The following PCDHGB6 variants were observed in gnomAD, a reference collection of about 807,000 sequenced individuals.
The protein encoded by PCDHGB6 is protocadherin gamma-B6.
In PCDHGB6, 51 loss-of-function variants were observed where a neutral mutation model predicts 59.1. That is an observed-to-expected ratio of 0.86 (90% CI 0.69 to 1.09). The LOEUF is 1.09. Ranked by LOEUF, PCDHGB6 falls within the 50% of genes least tolerant of loss-of-function variation. The pLI is 0.00. For synonymous variants in PCDHGB6, 466 were observed against 495.1 expected (o/e 0.94, Z 0.78); for missense variants, 1,148 against 1,205.1 (o/e 0.95, Z 0.70).
At chr5:141,494,215 G>T (rs984086536) in intron 1 of PCDHGB6, among the ~76,000 whole-genome samples, 2 of 152,200 alleles carry the variant, frequency 1.3e-5, no homozygotes, top group Non-Finnish European at 2.9e-5. Context: ...GCCCAATCTG[G>T]CATGACTCCT....
intron 1 of PCDHGB6, chr5:141,430,741 A>T (rs370226249): frequency 6.7e-6 from 10 of 1,498,900 alleles, no homozygotes; most frequent in Non-Finnish European, 8.9e-6. Flanking sequence ...ATTGAAAATA[A>T]TTCTGGAGGA....
rs759756007 is a variant in PCDHGB6 at position 141,476,248 on chromosome 5, T to C, written c.2419-18559T>C. 2 of 1,613,856 alleles carry C rather than the reference T, an allele frequency of 1.2e-6. No individual in the cohort carries two copies. Among genetic ancestry groups the C allele is most frequent in the South Asian group, 2.2e-5 (2 of 91,050 alleles). On this transcript the variant is annotated intron_variant, in intron 1 of 3. Transcript: ENST00000520790. The surrounding 1 kb of genome is among the most constrained non-coding windows in gnomAD (Gnocchi z 7.6). The stretch of plus-strand genomic sequence containing the variant: ...AGATCCCGGAGGAAAGAGAGAAGGG[T>C]TTCGCTGTGGGCAACGTGGTCGCGA...
intron 1 of PCDHGB6, chr5:141,422,767 G>T: frequency 6.2e-7 from 1 of 1,613,786 alleles, no homozygotes; most frequent in Non-Finnish European, 8.5e-7. Context: ...CAACACTGGT[G>T]TTCTCTATGC....
chr5:141,410,699 A>G (rs760193148), intron 1 of PCDHGB6, 79 bp downstream of exon 1: 1 of 1,478,344 alleles, frequency 6.8e-7, no homozygotes, highest in East Asian at 2.3e-5. Flanking sequence ...CTTTATTTTC[A>G]TATCTAGAAT....
intron 1 of PCDHGB6, among the ~76,000 whole-genome samples, chr5:141,457,926 GGGCTTTTATT>G (rs1398565105): frequency 6.6e-6 from 1 of 151,120 alleles, no homozygotes; most frequent in Non-Finnish European, 1.5e-5. Context: ...TCTCCCCAAG[GGGCTTTTATT>G]GGCTCTGCAT....
chr5:141,494,818 C>T lies in PCDHGB6; in HGVS notation c.2430C>T (p.Pro810=). The part of the protein sequence containing the change: ...HPETLTSQAP[P]NTDWRFSQAQ... ...TGTTTTCTCCACAGCAAGCCCCGCCCAACACGGACTGGCGTTTCTCTCAGG... is the reference window on the plus strand; with the variant it reads ...TGTTTTCTCCACAGCAAGCCCCGCCTAACACGGACTGGCGTTTCTCTCAGG... Residue 810 remains proline (P), a synonymous_variant, in exon 2 of 4, where the codon CCC becomes CCT. Transcript: ENST00000520790. 1.9e-6 allele frequency: 3 copies of T among 1,614,152 alleles called. No homozygotes were observed. The highest frequency in any genetic ancestry group is 2.2e-5 in the South Asian group (2 of 91,074).
chr5:141,487,041 G>C lies in PCDHGB6; in HGVS notation c.2419-7766G>C, dbSNP rs149314216. On this transcript the variant is annotated intron_variant, in intron 1 of 3. Coordinates refer to ENST00000520790, the MANE Select transcript of PCDHGB6 (RefSeq NM_018926.3). The surrounding 1 kb of genome is among the most constrained non-coding windows in gnomAD (Gnocchi z 5.0). ...GATCCCAGCCTGTTTGCAGTCTCTC[G>C]ATATGCTGGGGAGGTGCGGACGGCT... 2.5e-6 allele frequency: 4 copies of C among 1,614,018 alleles called. No homozygotes were observed. Among genetic ancestry groups the C allele is most frequent in the South Asian group, 2.2e-5 (2 of 91,084 alleles).
chr5:141,466,674 T>C (rs2099127051), intron 1 of PCDHGB6, among the ~76,000 whole-genome samples: 1 of 152,222 alleles, frequency 6.6e-6, no homozygotes, highest in South Asian at 2.1e-4. Flanking sequence ...TTCACCGTTC[T>C]TCCACTCAAG....
At chr5:141,508,859 G>C (rs1268915304) in intron 3 of PCDHGB6, among the ~76,000 whole-genome samples, 1 of 152,086 alleles carries the variant, frequency 6.6e-6, no homozygotes, top group Non-Finnish European at 1.5e-5. Flanking sequence ...CCCAGGCTGG[G>C]AAAGGCTGAA....
At chr5:141,459,814 T>A (rs757306281) in intron 1 of PCDHGB6, among the ~76,000 whole-genome samples, 2 of 152,256 alleles carry the variant, frequency 1.3e-5, no homozygotes, top group African/African-American at 4.8e-5. Context: ...CTAGAGACAC[T>A]GAGCAACTTT....
intron 1 of PCDHGB6, chr5:141,413,304 A>G: frequency 6.2e-7 from 1 of 1,613,982 alleles, no homozygotes; most frequent in Non-Finnish European, 8.5e-7. Context: ...CTGAGGAATT[A>G]GAGAAAGGCT....
intron 1 of PCDHGB6, among the ~76,000 whole-genome samples, chr5:141,492,559 C>G (rs533830391): frequency 2.0e-5 from 3 of 152,174 alleles, no homozygotes; most frequent in Non-Finnish European, 4.4e-5. Context: ...GCCTGGGGGG[C>G]GGCCTGAGCG....
intron 2 of PCDHGB6, among the ~76,000 whole-genome samples, chr5:141,504,997 AC>A (rs554150488): frequency 9.9e-5 from 15 of 152,238 alleles, no homozygotes; most frequent in African/African-American, 2.9e-4. Flanking sequence ...CCCCGTCTGT[AC>A]TAAAAATACA....
intron 1 of PCDHGB6, chr5:141,415,330 A>G (rs1326574664): frequency 1.2e-6 from 2 of 1,614,094 alleles, no homozygotes; most frequent in African/African-American, 2.7e-5. Context: ...GCTGGCGCAC[A>G]GGCTGCGGCG....
At chr5:141,457,550 A>G (rs1331411755) in intron 1 of PCDHGB6, among the ~76,000 whole-genome samples, 1 of 152,230 alleles carries the variant, frequency 6.6e-6, no homozygotes, top group Non-Finnish European at 1.5e-5. Flanking sequence ...CAAATGTATG[A>G]TAAGCTTTGG....
chr5:141,435,603 T>C (rs1195458514), intron 1 of PCDHGB6, among the ~76,000 whole-genome samples: 1 of 152,218 alleles, frequency 6.6e-6, no homozygotes, highest in African/African-American at 2.4e-5. Flanking sequence ...GCCTGCTTTT[T>C]ACATTAAATT....
Position 141,487,928 on chromosome 5 carries a change from A to G in PCDHGB6, c.2419-6879A>G. Reference sequence around the variant, plus strand: ...GGGAGCACAGGAGGCTACAGTGCACAGGGTACAGTGCACCAGGCAGTCACT... The same window carrying G: ...GGGAGCACAGGAGGCTACAGTGCACGGGGTACAGTGCACCAGGCAGTCACT... On this transcript the variant is annotated intron_variant, in intron 1 of 3. Transcript: ENST00000520790. The surrounding 1 kb of genome is among the most constrained non-coding windows in gnomAD (Gnocchi z 5.0). The G allele has an allele frequency of 3.2e-6, 2 of 620,886 alleles. No homozygotes were observed. The highest frequency in any genetic ancestry group is 5.6e-6 in the Non-Finnish European group (2 of 355,916). The allele number at this position is 620,886 out of a possible 1,614,324, so 38.5% of individuals were successfully genotyped here. A position where few individuals can be genotyped will look rare whatever the true frequency, so the allele number is the denominator to read the frequency against.
Position 141,485,757 on chromosome 5 carries a change from T to A in PCDHGB6, c.2419-9050T>A. The A allele has an allele frequency of 6.2e-7, 1 of 1,614,174 alleles. No homozygotes were observed. The highest frequency in any genetic ancestry group is 8.5e-7 in the Non-Finnish European group (1 of 1,180,028). The stretch of plus-strand genomic sequence containing the variant: ...GACGGCAGCCTGGTCCCAGAGCTGC[T>A]CCTGGAGAAGCCTTTGGATCGAGAG... On this transcript the variant is annotated intron_variant, in intron 1 of 3. Transcript: ENST00000520790. The surrounding 1 kb of genome is among the most constrained non-coding windows in gnomAD (Gnocchi z 5.7).
Position 141,490,447 on chromosome 5 carries a change from C to A in PCDHGB6, c.2419-4360C>A, listed in dbSNP as rs1273424450. 1.2e-6 allele frequency: 2 copies of A among 1,614,196 alleles called. No homozygotes were observed. The highest frequency in any genetic ancestry group is 1.7e-5 in the Admixed American group (1 of 60,030). Reference sequence around the variant, plus strand: ...ATTTCAGATTAAGCCTTCTGAGAACCACTACTCGCTGCTAACCAGCCAGCC... The same window carrying A: ...ATTTCAGATTAAGCCTTCTGAGAACAACTACTCGCTGCTAACCAGCCAGCC... On this transcript the variant is annotated intron_variant, in intron 1 of 3. Coordinates refer to ENST00000520790, the MANE Select transcript of PCDHGB6 (RefSeq NM_018926.3). This position sits in a 1 kb window ranked among gnomAD's most constrained non-coding sequence, Gnocchi z 5.4.
Sources: gnomAD v4.1 joint callset for allele counts (sites outside exome capture counted in the v4.1 genomes callset) on GRCh38, gnomAD v4.1.1 for gene constraint, Gnocchi (gnomAD v3.1) non-coding constraint, MANE v1.5 for transcripts, NCBI Gene and HGNC (gene_info 2026-07-23, HGNC 2026-07-21) for gene names.